The following IL36B variants were observed in gnomAD, a reference collection of about 807,000 sequenced individuals.
The protein encoded by IL36B is interleukin-36 beta.
In IL36B, 23 loss-of-function variants were observed where a neutral mutation model predicts 19.3. That is an observed-to-expected ratio of 1.19 (90% CI 0.86 to 1.69). The LOEUF (loss-of-function observed/expected upper bound fraction) is 1.69, where lower values mean the gene tolerates loss of function less well. IL36B is among the 40% of genes most tolerant of loss of function. The probability of loss-of-function intolerance (pLI) is 0.00; values close to 1 mark genes in which losing one functional copy is unlikely to be tolerated. For synonymous variants in IL36B, 59 were observed against 59.7 expected (o/e 0.99, Z 0.05); for missense variants, 217 against 200.5 (o/e 1.08, Z -0.50).
At chr2:113,028,177 G>A (rs1468867559) in intron 4 of IL36B, 62 bp from the exon 5 acceptor site, 3 of 1,337,460 alleles carry the variant, frequency 2.2e-6, no homozygotes, top group Non-Finnish European at 3.2e-6. Context: ...AAGTAACTCA[G>A]CTCTGAGTGT....
intron 1 of IL36B, among the ~76,000 whole-genome samples, chr2:113,036,873 G>A (rs1685175162): frequency 6.6e-6 from 1 of 152,234 alleles, no homozygotes; most frequent in Non-Finnish European, 1.5e-5. Context: ...CAAAATCTAG[G>A]ACGGCACTGC....
chr2:113,045,182 G>A (rs1685329199), intron 1 of IL36B, among the ~76,000 whole-genome samples: 2 of 151,872 alleles, frequency 1.3e-5, no homozygotes. Context: ...TTCTTTCTGT[G>A]TGTGTCTGAA....
chr2:113,033,416 T>C (rs1685114639), intron 1 of IL36B, among the ~76,000 whole-genome samples: 1 of 152,150 alleles, frequency 6.6e-6, no homozygotes, highest in Admixed American at 6.6e-5. Flanking sequence ...TATTTTATAT[T>C]TCAGTAGAGA....
At chr2:113,028,398 T>G (rs1184816869) in intron 4 of IL36B, among the ~76,000 whole-genome samples, 1 of 152,210 alleles carries the variant, frequency 6.6e-6, no homozygotes, top group Non-Finnish European at 1.5e-5. Flanking sequence ...TCTTTCTTGG[T>G]GCTTTTGATA....
At chr2:113,042,467 C>G (rs1195818641) in intron 1 of IL36B, among the ~76,000 whole-genome samples, 1 of 152,194 alleles carries the variant, frequency 6.6e-6, no homozygotes, top group African/African-American at 2.4e-5. Context: ...TTCATGTCTC[C>G]TGGAATCTGT....
At chr2:113,029,577 C>T (rs111671518) in intron 3 of IL36B, among the ~76,000 whole-genome samples, 4 of 152,192 alleles carry the variant, frequency 2.6e-5, no homozygotes, top group African/African-American at 9.6e-5. Context: ...ATTTCCGGCT[C>T]GAGGAAATGG....
chr2:113,050,551 G>T (rs754612651), intron 1 of IL36B, among the ~76,000 whole-genome samples: 7 of 152,124 alleles, frequency 4.6e-5, no homozygotes, highest in Non-Finnish European at 1.0e-4. Context: ...CCAACAATGT[G>T]AATGTCCTTA....
intron 1 of IL36B, among the ~76,000 whole-genome samples, chr2:113,043,556 A>G (rs2105054649): frequency 6.6e-6 from 1 of 151,798 alleles, no homozygotes; most frequent in East Asian, 1.9e-4. Flanking sequence ...TTCTCCACTG[A>G]TTGTATTTGT....
chr2:113,042,013 AG>A (rs1219414952), intron 1 of IL36B, among the ~76,000 whole-genome samples: 2 of 152,204 alleles, frequency 1.3e-5, no homozygotes, highest in African/African-American at 4.8e-5. Flanking sequence ...GTAGTGACAA[AG>A]GACATCTGAT....
intron 1 of IL36B, among the ~76,000 whole-genome samples, chr2:113,047,244 G>A (rs569255726): frequency 2.0e-5 from 3 of 151,952 alleles, no homozygotes; most frequent in South Asian, 4.2e-4. Context: ...TTCTGTGCCC[G>A]TCCCAAATTC....
chr2:113,036,191 C>T (rs548508184), intron 1 of IL36B, among the ~76,000 whole-genome samples: 13 of 152,224 alleles, frequency 8.5e-5, no homozygotes, highest in Admixed American at 5.2e-4. Flanking sequence ...AATGATCTGC[C>T]TGCCTCTGCC....
At chr2:113,029,777 A>G (rs942548105) in intron 3 of IL36B, among the ~76,000 whole-genome samples, 12 of 152,304 alleles carry the variant, frequency 7.9e-5, no homozygotes, top group African/African-American at 2.2e-4. Context: ...TGATTCATCA[A>G]TGCAAAAGAT....
intron 1 of IL36B, among the ~76,000 whole-genome samples, chr2:113,049,762 T>C (rs1685410383): frequency 6.6e-6 from 1 of 152,082 alleles, no homozygotes; most frequent in Admixed American, 6.5e-5. Context: ...TGAGACCAGC[T>C]TGGTCACCAT....
intron 1 of IL36B, among the ~76,000 whole-genome samples, chr2:113,033,433 T>C (rs1685114935): frequency 6.6e-6 from 1 of 152,252 alleles, no homozygotes; most frequent in South Asian, 2.1e-4. Flanking sequence ...GAGAAGGGGT[T>C]TCACTGTGTT....
At chr2:113,041,118 T>C (rs1343482918) in intron 1 of IL36B, among the ~76,000 whole-genome samples, 1 of 146,576 alleles carries the variant, frequency 6.8e-6, no homozygotes, top group East Asian at 2.0e-4. Flanking sequence ...ATTGAGCCAC[T>C]GCACTCCAGC....
chr2:113,031,676 G>A (rs1685078997), intron 2 of IL36B, 21 bp downstream of exon 2: 1 of 1,602,560 alleles, frequency 6.2e-7, no homozygotes, highest in Non-Finnish European at 8.5e-7. Flanking sequence ...TTTCCAAGCT[G>A]ATTTGCAATT....
At chr2:113,029,171 T>C in intron 3 of IL36B, 93 bp from the exon 4 acceptor site, 1 of 1,316,614 alleles carries the variant, frequency 7.6e-7, no homozygotes, top group East Asian at 2.4e-5. Flanking sequence ...GACAGGCTCC[T>C]CCCATTAGCC....
rs188377251 is a variant in IL36B at position 113,024,914 on chromosome 2, G to C, written c.391+1189C>G. Among the ~76,000 whole-genome samples, 18 of 152,266 alleles carry C rather than the reference G, an allele frequency of 1.2e-4. No individual in the cohort carries two copies. In the East Asian group the frequency reaches 3.5e-3, roughly 29 times the overall value. On this transcript the variant is annotated intron_variant, in intron 5 of 5. Coordinates refer to ENST00000259213, the MANE Select transcript of IL36B (RefSeq NM_014438.5). ...AGTACATTGTTGCAAGTCTCTCATGGCCATCCTTGAGGCCATTTGTGCTTA... is the reference window on the plus strand; with the variant it reads ...AGTACATTGTTGCAAGTCTCTCATGCCCATCCTTGAGGCCATTTGTGCTTA...
chr2:113,049,278 G>C (rs1168531239), intron 1 of IL36B, among the ~76,000 whole-genome samples: 1 of 151,980 alleles, frequency 6.6e-6, no homozygotes, highest in Non-Finnish European at 1.5e-5. Flanking sequence ...AGCAACAAAA[G>C]AAAAAATGGA....
Sources: allele counts gnomAD v4.1 joint callset (sites outside exome capture counted in the v4.1 genomes callset), GRCh38; gene constraint gnomAD v4.1.1; transcripts MANE v1.5; gene names NCBI Gene and HGNC (gene_info 2026-07-23, HGNC 2026-07-21).